Variants in RBM19 observed in about 807,000 individuals in gnomAD.
RBM19 encodes RNA binding motif protein 19.
Under a neutral mutation model 116.8 loss-of-function variants are expected in RBM19, and 94 were observed. That is an observed-to-expected ratio of 0.80 (90% confidence interval 0.68 to 0.95). The LOEUF (loss-of-function observed/expected upper bound fraction) is 0.95. Among genes scored for constraint, RBM19 ranks in the 40% least tolerant of loss-of-function variants. RBM19 has a pLI of 0.00. For missense variants in RBM19, 1,161 were observed against 1,220.7 expected, an observed-to-expected ratio of 0.95 and a Z score of 0.73; for synonymous variants, 475 against 494.1, an observed-to-expected ratio of 0.96 and a Z score of 0.51.
chr12:113,957,712 G>A (rs1239853221), intron 6 of RBM19, 70 bp downstream of exon 6: 10 of 1,511,700 alleles, frequency 6.6e-6, no homozygotes, highest in Non-Finnish European at 8.8e-6. Context: ...CCTAACAGAG[G>A]AGCTGTGGGG....
At chr12:113,889,084 C>G (rs1194457496) in intron 21 of RBM19, among the ~76,000 whole-genome samples, 1 of 152,162 alleles carries the variant, frequency 6.6e-6, no homozygotes, top group Non-Finnish European at 1.5e-5. Flanking sequence ...CTCCCGGCTC[C>G]TCTGCTGTTT....
chr12:113,874,245 T>A (rs556149695), intron 21 of RBM19, among the ~76,000 whole-genome samples: 1 of 152,376 alleles, frequency 6.6e-6, no homozygotes, highest in East Asian at 1.9e-4. Context: ...ACACAGTAGG[T>A]GCCCACTAAA....
intron 21 of RBM19, among the ~76,000 whole-genome samples, chr12:113,877,095 CA>C (rs976581008): frequency 9.9e-5 from 15 of 152,248 alleles, no homozygotes; most frequent in Non-Finnish European, 1.9e-4. Flanking sequence ...CCTGCAGCCA[CA>C]AGGATGCGTG....
At chr12:113,827,193 C>T (rs780912479) in intron 23 of RBM19, among the ~76,000 whole-genome samples, 9 of 152,136 alleles carry the variant, frequency 5.9e-5, no homozygotes, top group Non-Finnish European at 1.0e-4. Context: ...AATAAATAAA[C>T]GAAACAAGCT....
downstream of RBM19, among the ~76,000 whole-genome samples, chr12:113,821,111 G>A (rs1221576551): frequency 6.6e-6 from 1 of 152,192 alleles, no homozygotes; most frequent in African/African-American, 2.4e-5. Context: ...CACTTGCCGA[G>A]GCTCACGAGG....
Position 113,829,522 on chromosome 12 carries a change from T to G in RBM19, c.2786-6201A>C, listed in dbSNP as rs1380145765. ...TGCCTTCAGTCACTCTTAGCAAGCA[T>G]GACCCAGCATATTCTATGTGCCAGG... On this transcript the variant is annotated intron_variant, in intron 23 of 23. Transcript: ENST00000261741. Among the ~76,000 whole-genome samples the G allele has an allele frequency of 2.0e-5, 3 of 152,218 alleles. No individual in the cohort carries two copies. In the East Asian group the frequency reaches 5.8e-4, roughly 29 times the overall value.
intron 10 of RBM19, 26 bp downstream of exon 10, chr12:113,948,807 C>T (rs1871246994): frequency 6.2e-7 from 1 of 1,612,472 alleles, no homozygotes; most frequent in Non-Finnish European, 8.5e-7. Context: ...GCTGGGCTAT[C>T]CACGGCCCGG....
chr12:113,820,756 G>C (rs59741052), downstream of RBM19, among the ~76,000 whole-genome samples: 4,670 of 152,216 alleles, frequency 0.031, 227 homozygotes, highest in African/African-American at 0.1. Flanking sequence ...TGCGTGCCTG[G>C]GGCAGGGGTG....
chr12:113,863,599 A>C (rs968408074), intron 21 of RBM19, among the ~76,000 whole-genome samples: 1 of 152,072 alleles, frequency 6.6e-6, no homozygotes, highest in African/African-American at 2.4e-5. Flanking sequence ...CACTATTCGG[A>C]TCTGCTGGAA....
At chr12:113,946,953 A>C (rs1871078471) in intron 11 of RBM19, among the ~76,000 whole-genome samples, 1 of 152,354 alleles carries the variant, frequency 6.6e-6, no homozygotes, top group South Asian at 2.1e-4. Context: ...CTGGGAAAAG[A>C]GAAGTTTCTT....
chr12:113,861,650 A>G (rs1878405499), intron 21 of RBM19, among the ~76,000 whole-genome samples: 2 of 152,154 alleles, frequency 1.3e-5, no homozygotes, highest in Non-Finnish European at 2.9e-5. Context: ...TGCTCTGTGC[A>G]TGGTAAGCAG....
At chr12:113,911,022 C>T (rs1029968615) in intron 21 of RBM19, among the ~76,000 whole-genome samples, 2 of 150,354 alleles carry the variant, frequency 1.3e-5, no homozygotes, top group Non-Finnish European at 1.5e-5. Context: ...TGCAACATAC[C>T]TACTCCAGAG....
Position 113,955,124 on chromosome 12 carries a change from C to T in RBM19, c.921+7G>A, listed in dbSNP as rs1163758878. The T allele has an allele frequency of 6.2e-7, 1 of 1,613,790 alleles. No homozygotes were observed. The highest frequency in any genetic ancestry group is 8.5e-7 in the Non-Finnish European group (1 of 1,179,910). ...GCTGCCGACCCTTGTCCTCAGTTAG[C>T]ACATACCTCTGTGACATTGAACGGG... On this transcript the variant is annotated splice_region_variant and intron_variant, in intron 7 of 23. Coordinates refer to ENST00000261741, the MANE Select transcript of RBM19 (RefSeq NM_016196.4).
At chr12:113,941,383 C>A (rs568027082) in intron 14 of RBM19, among the ~76,000 whole-genome samples, 65 of 152,304 alleles carry the variant, frequency 4.3e-4, no homozygotes, top group African/African-American at 1.5e-3. Context: ...AGTGACTTCA[C>A]CCCTCTGTGA....
intron 6 of RBM19, among the ~76,000 whole-genome samples, chr12:113,957,332 T>G (rs1872029973): frequency 6.6e-6 from 1 of 152,074 alleles, no homozygotes; most frequent in South Asian, 2.1e-4. Context: ...TCCCAGCACT[T>G]TGGGAGGCTG....
intron 8 of RBM19, among the ~76,000 whole-genome samples, chr12:113,951,275 T>G (rs1871439743): frequency 2.0e-5 from 3 of 152,162 alleles, no homozygotes; most frequent in Non-Finnish European, 2.9e-5. Flanking sequence ...CATGCTTGGA[T>G]GCCGGCTCTC....
intron 18 of RBM19, among the ~76,000 whole-genome samples, chr12:113,921,421 A>G (rs1593588559): frequency 1.3e-5 from 2 of 152,106 alleles, no homozygotes; most frequent in African/African-American, 2.4e-5. Context: ...CATCTCATAC[A>G]TATTTGTTAG....
intron 21 of RBM19, among the ~76,000 whole-genome samples, chr12:113,894,332 G>A (rs1881172874): frequency 2.0e-5 from 3 of 152,218 alleles, no homozygotes; most frequent in Admixed American, 2.0e-4. Flanking sequence ...GATGCTGCAA[G>A]AGGCTAAGCC....
At chr12:113,893,312 C>T (rs1881080935) in intron 21 of RBM19, among the ~76,000 whole-genome samples, 2 of 152,068 alleles carry the variant, frequency 1.3e-5, no homozygotes, top group South Asian at 2.1e-4. Context: ...CACCTGGCCA[C>T]CTAATTTTTA....
Sources: gnomAD v4.1 joint callset for allele counts (sites outside exome capture counted in the v4.1 genomes callset) on GRCh38, gnomAD v4.1.1 for gene constraint, MANE v1.5 for transcripts, NCBI Gene and HGNC (gene_info 2026-07-23, HGNC 2026-07-21) for gene names.